The following KCNH7 variants were observed in gnomAD, a reference collection of about 807,000 sequenced individuals.
KCNH7 encodes the protein voltage-gated inwardly rectifying potassium channel KCNH7.
KCNH7 carries 49 observed loss-of-function variants against 120.8 expected under a neutral mutation model. The ratio of observed to expected loss-of-function variants is 0.41; its 90% CI spans 0.32 to 0.51. The LOEUF is 0.51. KCNH7 is among the 20% of genes least tolerant of loss of function. The pLI is 0.38. For missense variants in KCNH7, 1,097 were observed against 1,446.6 expected (o/e 0.76, Z 3.92); for synonymous variants, 547 against 516.1 (o/e 1.06, Z -0.81).
chr2:162,505,652 A>G (rs538590578), intron 5 of KCNH7, among the ~76,000 whole-genome samples: 2 of 152,040 alleles, frequency 1.3e-5, no homozygotes, highest in African/African-American at 4.8e-5. Flanking sequence ...TATTACGTAC[A>G]CTGTTATTTA....
In KCNH7 at chr2:162,379,983, G is replaced by A. The variant is rs754112773; in HGVS notation, c.3001C>T (p.His1001Tyr). The A allele has an allele frequency of 2.5e-6, 4 of 1,614,042 alleles. No homozygotes were observed. Among genetic ancestry groups the A allele is most frequent in the Admixed American group, 1.7e-5 (1 of 60,012 alleles). ...DMRSWERENA[H>Y]PQPEDSSPSA... ...GGACTGGAGTCTTCAGGCTGGGGAT[G>A]TGCATTTTCTCGTTCCCAGCTTCGC... Residue 1001 changes from histidine (H) to tyrosine (Y), a missense_variant, in exon 14 of 16, where the codon CAT becomes TAT. Coordinates refer to ENST00000332142, the MANE Select transcript of KCNH7 (RefSeq NM_033272.4).
intron 2 of KCNH7, among the ~76,000 whole-genome samples, chr2:162,823,442 C>T (rs1685181898): frequency 6.6e-6 from 1 of 152,004 alleles, no homozygotes; most frequent in South Asian, 2.1e-4. Context: ...AATAAAGAAA[C>T]TAAAATCAAC....
At chr2:162,387,252 A>G (rs1019218749) in intron 12 of KCNH7, among the ~76,000 whole-genome samples, 4 of 149,456 alleles carry the variant, frequency 2.7e-5, no homozygotes, top group African/African-American at 9.9e-5. Context: ...TTAAAGCTTC[A>G]TTTTCTGTCA....
chr2:162,546,269 T>G (rs979901952), intron 2 of KCNH7, among the ~76,000 whole-genome samples: 5 of 152,198 alleles, frequency 3.3e-5, no homozygotes, highest in African/African-American at 1.2e-4. Flanking sequence ...AGTCTACATT[T>G]ATGATCAGGA....
Position 162,536,929 on chromosome 2 carries a change from T to C in KCNH7, c.459A>G (p.Val153=), listed in dbSNP as rs541842634. 23 of 1,611,732 alleles carry C rather than the reference T, an allele frequency of 1.4e-5. No homozygotes were observed. In the African/African-American group the frequency reaches 2.8e-4, roughly 20 times the overall value. The change falls in exon 3 of 16, where the codon GTA becomes GTG. Residue 153 remains valine (V), a synonymous_variant. Coordinates refer to ENST00000332142, the MANE Select transcript of KCNH7 (RefSeq NM_033272.4). ...RVNPILPIKT[V]NRKFFGFKFP... ...TACACATTGCCTTTTACTTACGGTT[T>C]ACAGTTTTGATTGGTAATATTGGGT...
At chr2:162,425,936 A>C (rs1282251279) in intron 8 of KCNH7, among the ~76,000 whole-genome samples, 1 of 152,112 alleles carries the variant, frequency 6.6e-6, no homozygotes, top group Non-Finnish European at 1.5e-5. Context: ...ATTTATGGTC[A>C]GGCGCGGTGG....
chr2:162,467,166 A>G (rs1411441285), intron 6 of KCNH7, among the ~76,000 whole-genome samples: 1 of 152,192 alleles, frequency 6.6e-6, no homozygotes, highest in Non-Finnish European at 1.5e-5. Context: ...TGTCTTTAGG[A>G]AAGAGTTCAG....
At chr2:162,534,974 T>G (rs1692059247) in intron 3 of KCNH7, among the ~76,000 whole-genome samples, 1 of 151,864 alleles carries the variant, frequency 6.6e-6, no homozygotes, top group East Asian at 1.9e-4. Flanking sequence ...TTATAAAATA[T>G]ATTTTTAAAA....
chr2:162,524,264 T>C (rs1249081128), intron 3 of KCNH7, among the ~76,000 whole-genome samples: 1 of 151,998 alleles, frequency 6.6e-6, no homozygotes, highest in Non-Finnish European at 1.5e-5. Flanking sequence ...TTCTGCCAAA[T>C]TGAAGCCAGG....
At chr2:162,831,431 C>G (rs1016450028) in intron 2 of KCNH7, among the ~76,000 whole-genome samples, 1 of 152,066 alleles carries the variant, frequency 6.6e-6, no homozygotes, top group African/African-American at 2.4e-5. Flanking sequence ...AGAAATATTT[C>G]TGATGTAAAG....
At chr2:162,784,238 T>C (rs1418346547) in intron 2 of KCNH7, among the ~76,000 whole-genome samples, 1 of 152,188 alleles carries the variant, frequency 6.6e-6, no homozygotes, top group African/African-American at 2.4e-5. Flanking sequence ...TGATGTATGT[T>C]CAACATTCCC....
At chr2:162,762,280 CAT>C (rs1024294182) in intron 2 of KCNH7, among the ~76,000 whole-genome samples, 12 of 151,236 alleles carry the variant, frequency 7.9e-5, no homozygotes, top group African/African-American at 2.4e-4. Context: ...TGTATATATA[CAT>C]ATGTGTGTGT....
At chr2:162,709,227 A>C (rs370427752) in intron 2 of KCNH7, among the ~76,000 whole-genome samples, 2 of 152,256 alleles carry the variant, frequency 1.3e-5, no homozygotes, top group East Asian at 3.9e-4. Flanking sequence ...AGAGTGATTA[A>C]AAACTGAAAT....
At position 162,748,927 on chromosome 2, in the gene KCNH7, T is replaced by TTTCCTTTCC. The variant is rs1553520252; in HGVS notation, c.307+87609_307+87610insGGAAAGGAA. On this transcript the variant is annotated intron_variant, in intron 2 of 15. Coordinates refer to ENST00000332142, the MANE Select transcript of KCNH7 (RefSeq NM_033272.4). ...CCTTCCTTCCTTCCCTTCCCTTTCCTTTCCTTCCTTCCTTCCTTCCTTCCT... is the reference window on the plus strand; with the variant it reads ...CCTTCCTTCCTTCCCTTCCCTTTCCTTTCCTTTCCTTCCTTCCTTCCTTCCTTCCTTCCT... Among the ~76,000 whole-genome samples, 62 of 27,862 alleles carry TTTCCTTTCC rather than the reference T, an allele frequency of 2.2e-3. 1 individual carries two copies. Among genetic ancestry groups the TTTCCTTTCC allele is most frequent in the Admixed American group, 2.6e-3 (9 of 3,398 alleles). The allele number at this position is 27,862 out of a possible 152,430, so 18.3% of individuals were successfully genotyped here.
At chr2:162,428,563 G>A (rs1687945208) in intron 8 of KCNH7, among the ~76,000 whole-genome samples, 1 of 151,772 alleles carries the variant, frequency 6.6e-6, no homozygotes. Flanking sequence ...TATTATTTAA[G>A]TTTTCTATAT....
chr2:162,738,274 T>C (rs1467827122), intron 2 of KCNH7, among the ~76,000 whole-genome samples: 1 of 152,098 alleles, frequency 6.6e-6, no homozygotes, highest in Non-Finnish European at 1.5e-5. Context: ...TGTTACTCCT[T>C]GCATGCAAAG....
chr2:162,819,819 G>A (rs1004811558), intron 2 of KCNH7, among the ~76,000 whole-genome samples: 2 of 152,014 alleles, frequency 1.3e-5, no homozygotes, highest in Non-Finnish European at 2.9e-5. Context: ...ATTCACAAAG[G>A]CTAAACTGAA....
intron 2 of KCNH7, among the ~76,000 whole-genome samples, chr2:162,765,436 G>A (rs1178200437): frequency 1.3e-5 from 2 of 152,108 alleles, no homozygotes; most frequent in Admixed American, 6.5e-5. Flanking sequence ...TTCTCGATGG[G>A]TTTCAATTCT....
intron 2 of KCNH7, among the ~76,000 whole-genome samples, chr2:162,755,654 G>A (rs968375082): frequency 3.3e-5 from 5 of 152,066 alleles, no homozygotes; most frequent in African/African-American, 4.8e-5. Context: ...CAAGTTGAAG[G>A]AAGTACAGTA....
Sources: gnomAD v4.1 joint callset for allele counts (sites outside exome capture counted in the v4.1 genomes callset) on GRCh38, gnomAD v4.1.1 for gene constraint, MANE v1.5 for transcripts, NCBI Gene and HGNC (gene_info 2026-07-23, HGNC 2026-07-21) for gene names.